The following TCF4 variants were observed in gnomAD, a reference collection of about 807,000 sequenced individuals.
TCF4 encodes the protein transcription factor 4.
Under a neutral mutation model 82.1 loss-of-function variants are expected in TCF4, and 3 were observed. That is an observed-to-expected ratio of 0.04 (90% CI 0.02 to 0.09). The LOEUF (loss-of-function observed/expected upper bound fraction) is 0.09. Among genes scored for constraint, TCF4 ranks in the 10% least tolerant of loss-of-function variants. The pLI, the probability that TCF4 is intolerant of heterozygous loss-of-function variation, is 1.00. For missense variants in TCF4, 518 were observed against 852.7 expected, an observed-to-expected ratio of 0.61 and a Z score of 4.89; for synonymous variants, 276 against 309.6, an observed-to-expected ratio of 0.89 and a Z score of 1.14.
chr18:55,229,565 G>A (rs2047287613), intron 17 of TCF4: 1 of 172,836 alleles, frequency 5.8e-6, no homozygotes, highest in African/African-American at 2.4e-5. Flanking sequence ...AAATGATTTT[G>A]ATAGGTCAAA....
At chr18:55,459,893 G>A (rs1033050693) in intron 5 of TCF4, among the ~76,000 whole-genome samples, 4 of 152,034 alleles carry the variant, frequency 2.6e-5, no homozygotes, top group East Asian at 1.9e-4. Flanking sequence ...TCAAAGGCAC[G>A]AACATATGAT....
intron 8 of TCF4, chr18:55,321,808 T>G: frequency 6.6e-7 from 1 of 1,508,210 alleles, no homozygotes; most frequent in Non-Finnish European, 8.9e-7. Flanking sequence ...GTCCCTTTTT[T>G]CACAACAATT....
intron 10 of TCF4, among the ~76,000 whole-genome samples, chr18:55,272,323 T>C (rs2060549868): frequency 1.3e-5 from 2 of 152,264 alleles, no homozygotes; most frequent in Admixed American, 1.3e-4. Flanking sequence ...CATTCAGAGA[T>C]GTAATAAATA....
intron 15 of TCF4, among the ~76,000 whole-genome samples, chr18:55,253,889 C>T (rs372253316): frequency 2.6e-5 from 4 of 152,236 alleles, no homozygotes; most frequent in African/African-American, 9.6e-5. Context: ...CAAACACCAA[C>T]AATGACCCAG....
chr18:55,359,239 A>G (rs1334920129), intron 6 of TCF4, among the ~76,000 whole-genome samples: 1 of 152,216 alleles, frequency 6.6e-6, no homozygotes, highest in Non-Finnish European at 1.5e-5. Flanking sequence ...CTTGATCTCC[A>G]CAATGGGGTC....
At chr18:55,340,082 C>T (rs2079528670) in intron 8 of TCF4, among the ~76,000 whole-genome samples, 1 of 152,160 alleles carries the variant, frequency 6.6e-6, no homozygotes, top group Non-Finnish European at 1.5e-5. Flanking sequence ...CTATAGCCAG[C>T]CCCACCAAGG....
At chr18:55,407,750 G>T (rs749447995) in intron 5 of TCF4, among the ~76,000 whole-genome samples, 1 of 151,838 alleles carries the variant, frequency 6.6e-6, no homozygotes, top group Non-Finnish European at 1.5e-5. Context: ...TTATTTGAGG[G>T]TGATATGGTT....
chr18:55,623,917 G>A (rs575715531), intron 2 of TCF4, among the ~76,000 whole-genome samples: 77 of 152,216 alleles, frequency 5.1e-4, no homozygotes, highest in South Asian at 3.9e-3. Flanking sequence ...TCTATTCAGA[G>A]GATATTGCAA....
At chr18:55,431,191 C>A (rs2095179341) in intron 5 of TCF4, among the ~76,000 whole-genome samples, 1 of 152,176 alleles carries the variant, frequency 6.6e-6, no homozygotes, top group Non-Finnish European at 1.5e-5. Context: ...TCTAAGATCA[C>A]CTACCTCAAA....
intron 8 of TCF4, among the ~76,000 whole-genome samples, chr18:55,320,284 T>C (rs941906287): frequency 1.3e-5 from 2 of 152,186 alleles, no homozygotes; most frequent in African/African-American, 4.8e-5. Flanking sequence ...TGTTTTAAAA[T>C]TATATTTCCC....
At chr18:55,324,244 T>C (rs1188138512) in intron 8 of TCF4, among the ~76,000 whole-genome samples, 3 of 152,220 alleles carry the variant, frequency 2.0e-5, no homozygotes, top group Non-Finnish European at 2.9e-5. Context: ...TTAATAAAGA[T>C]ATAATGCTTT....
At chr18:55,437,127 AT>A in intron 5 of TCF4, among the ~76,000 whole-genome samples, 1 of 152,356 alleles carries the variant, frequency 6.6e-6, no homozygotes, top group East Asian at 1.9e-4. Context: ...ATTACAAAAA[AT>A]AATGAATGGG....
chr18:55,263,915 G>A (rs2058568860), intron 11 of TCF4, among the ~76,000 whole-genome samples: 1 of 151,906 alleles, frequency 6.6e-6, no homozygotes, highest in Admixed American at 6.6e-5. Flanking sequence ...ACAAGATATT[G>A]CTTCACTACA....
chr18:55,428,721 C>A (rs1055589250), intron 5 of TCF4, among the ~76,000 whole-genome samples: 19 of 152,176 alleles, frequency 1.2e-4, no homozygotes, highest in African/African-American at 4.1e-4. Flanking sequence ...GATAAACCAC[C>A]TCCATTTCAT....
At chr18:55,597,164 G>C (rs1391374687) in intron 2 of TCF4, among the ~76,000 whole-genome samples, 1 of 152,184 alleles carries the variant, frequency 6.6e-6, no homozygotes, top group Non-Finnish European at 1.5e-5. Flanking sequence ...CTGTGGAACT[G>C]TGAGTCAATT....
chr18:55,365,664 C>A (rs1218503949), intron 6 of TCF4, among the ~76,000 whole-genome samples: 1 of 152,032 alleles, frequency 6.6e-6, no homozygotes, highest in Non-Finnish European at 1.5e-5. Flanking sequence ...CTTTGGGAGG[C>A]CAAGGTGAGT....
chr18:55,252,317 G>A (rs372013032), intron 15 of TCF4, among the ~76,000 whole-genome samples: 1 of 151,862 alleles, frequency 6.6e-6, no homozygotes, highest in Non-Finnish European at 1.5e-5. Flanking sequence ...GGAGAAAACA[G>A]GAACTTATCC....
chr18:55,269,170 A>G (rs1358846681), intron 11 of TCF4: 3 of 153,496 alleles, frequency 2.0e-5, no homozygotes, highest in African/African-American at 7.2e-5. Context: ...TCATGGGAAC[A>G]GCATTCTTCT....
intron 8 of TCF4, among the ~76,000 whole-genome samples, chr18:55,325,706 G>T (rs922204091): frequency 1.3e-5 from 2 of 152,120 alleles, no homozygotes; most frequent in African/African-American, 4.8e-5. Context: ...TTGTTGTTTT[G>T]TTGTTGTTGT....
Sources: gnomAD v4.1 joint callset for allele counts (sites outside exome capture counted in the v4.1 genomes callset) on GRCh38, gnomAD v4.1.1 for gene constraint, MANE v1.5 for transcripts, NCBI Gene and HGNC (gene_info 2026-07-23, HGNC 2026-07-21) for gene names.